ADAM12: variants seen among roughly 807,000 people sequenced by gnomAD.
The protein encoded by ADAM12 is disintegrin and metalloproteinase domain-containing protein 12.
In ADAM12, 70 loss-of-function variants were observed where a neutral mutation model predicts 106.4. That is an observed-to-expected ratio of 0.66 (90% CI 0.54 to 0.80). The LOEUF is 0.80. Ranked by LOEUF, ADAM12 falls within the 30% of genes least tolerant of loss-of-function variation. The pLI is 0.00. For synonymous variants in ADAM12, 420 were observed against 433.5 expected (o/e 0.97, Z 0.39); for missense variants, 1,010 against 1,171.9 (o/e 0.86, Z 2.02).
intron 11 of ADAM12, among the ~76,000 whole-genome samples, chr10:126,090,312 C>CAAA (rs58704417): frequency 2.1e-4 from 26 of 123,310 alleles, no homozygotes; most frequent in Admixed American, 1.1e-3. Flanking sequence ...AAACTTTCTG[C>CAAA]AAAAAAAAAA....
At chr10:126,085,559 C>T (rs900622751) in intron 11 of ADAM12, among the ~76,000 whole-genome samples, 3 of 152,174 alleles carry the variant, frequency 2.0e-5, no homozygotes, top group African/African-American at 7.2e-5. Flanking sequence ...TTATCCATTT[C>T]CACCTACCCA....
chr10:126,329,124 ATACT>A (rs1196733700), intron 2 of ADAM12, among the ~76,000 whole-genome samples: 3 of 140,576 alleles, frequency 2.1e-5, no homozygotes, highest in Non-Finnish European at 3.2e-5. Context: ...TAAGCAACAA[ATACT>A]TAAAAAAAAA....
intron 3 of ADAM12, among the ~76,000 whole-genome samples, chr10:126,187,597 G>C (rs1229777426): frequency 2.0e-5 from 3 of 152,152 alleles, no homozygotes; most frequent in Non-Finnish European, 2.9e-5. Flanking sequence ...GGGCTACATT[G>C]CTCCTGCCCC....
At position 126,017,356 on chromosome 10, in the gene ADAM12, GAA is replaced by G; in HGVS notation, c.2661-19_2661-18del. 1 of 1,543,134 alleles carries G rather than the reference GAA, an allele frequency of 6.5e-7. No individual in the cohort carries two copies. Among genetic ancestry groups the G allele is most frequent in the South Asian group, 1.2e-5 (1 of 82,818 alleles). ...GGAGCAGGTCTGAATGAAGAGAGGA[GAA>G]AAAAAAATGATCAGAGACCTTGAGA... On this transcript the variant is annotated intron_variant, in intron 22 of 22. Transcript: ENST00000448723.
intron 1 of ADAM12, among the ~76,000 whole-genome samples, chr10:126,354,054 A>G (rs1178554269): frequency 2.0e-5 from 3 of 152,022 alleles, no homozygotes; most frequent in African/African-American, 7.2e-5. Flanking sequence ...TTTTTAAAGA[A>G]AAAGATATTT....
At chr10:126,350,084 G>A (rs1029194607) in intron 1 of ADAM12, among the ~76,000 whole-genome samples, 3 of 152,096 alleles carry the variant, frequency 2.0e-5, no homozygotes, top group Non-Finnish European at 1.5e-5. Flanking sequence ...GTCACTGGCC[G>A]GCCAATGATA....
intron 3 of ADAM12, among the ~76,000 whole-genome samples, chr10:126,158,797 C>A (rs1956876994): frequency 7.3e-6 from 1 of 137,876 alleles, no homozygotes. Flanking sequence ...AGTGGGGATG[C>A]ACACAGCACG....
intron 1 of ADAM12, among the ~76,000 whole-genome samples, chr10:126,371,834 T>G (rs537703536): frequency 1.3e-5 from 2 of 152,304 alleles, no homozygotes; most frequent in South Asian, 4.1e-4. Context: ...AAAAAGCCAG[T>G]GGAAGCTGAA....
intron 4 of ADAM12, among the ~76,000 whole-genome samples, chr10:126,154,451 C>A (rs776631571): frequency 1.3e-5 from 2 of 152,154 alleles, no homozygotes; most frequent in Non-Finnish European, 2.9e-5. Flanking sequence ...TGGTGTCATG[C>A]AGAGAAGGGA....
chr10:126,126,476 T>C (rs2133649722), intron 5 of ADAM12, among the ~76,000 whole-genome samples: 1 of 152,220 alleles, frequency 6.6e-6, no homozygotes, highest in East Asian at 1.9e-4. Context: ...GCATTGCAGT[T>C]TGCACGTGAC....
At chr10:126,121,130 A>AGTATATT (rs369707256) in intron 5 of ADAM12, among the ~76,000 whole-genome samples, 1 of 75,608 alleles carries the variant, frequency 1.3e-5, no homozygotes, top group African/African-American at 6.2e-5. Context: ...TAGTATATAT[A>AGTATATT]CTATATACTA....
At chr10:126,199,637 G>C (rs1264069021) in intron 3 of ADAM12, among the ~76,000 whole-genome samples, 1 of 152,006 alleles carries the variant, frequency 6.6e-6, no homozygotes, top group Non-Finnish European at 1.5e-5. Context: ...AACAAAACCA[G>C]GTTTTCATTT....
intron 3 of ADAM12, among the ~76,000 whole-genome samples, chr10:126,235,602 G>A (rs537269895): frequency 3.9e-5 from 6 of 152,218 alleles, no homozygotes; most frequent in African/African-American, 1.4e-4. Flanking sequence ...AGGCAGCAGC[G>A]GCACACCGTC....
intron 2 of ADAM12, among the ~76,000 whole-genome samples, chr10:126,325,000 A>G (rs1854242934): frequency 6.6e-6 from 1 of 152,162 alleles, no homozygotes; most frequent in Admixed American, 6.5e-5. Flanking sequence ...CCTAGGTGCA[A>G]GTAGACCATG....
intron 6 of ADAM12, among the ~76,000 whole-genome samples, chr10:126,114,243 A>G (rs1317091629): frequency 1.3e-5 from 2 of 152,172 alleles, no homozygotes; most frequent in African/African-American, 4.8e-5. Flanking sequence ...TGCCAGGAGA[A>G]CAGGCTGAAT....
rs1390543784 is a variant in ADAM12, at chr10:126,013,437, A to T, written c.*3842T>A. ...ATAGATAAGTTGATTTTCTGTGGCT[A>T]ACTTCCCCTTCTAATTAGAACAAGA... is the stretch of plus-strand genomic sequence containing the variant. On this transcript the variant is annotated 3_prime_UTR_variant, in exon 23 of 23. Coordinates refer to ENST00000448723, the MANE Select transcript of ADAM12 (RefSeq NM_001288973.2). This position sits in a 1 kb window ranked among gnomAD's most constrained non-coding sequence, Gnocchi z 4.3. 6.6e-6 allele frequency: 1 copy of T among 152,214 alleles called. No homozygotes were observed. The highest frequency in any genetic ancestry group is 2.4e-5 in the African/African-American group (1 of 41,444). 9.4% of individuals were successfully genotyped at this position (152,214 alleles called of 1,614,324 possible). A position where few individuals can be genotyped will look rare whatever the true frequency, so the allele number is the denominator to read the frequency against.
At chr10:126,266,278 T>A (rs1959095442) in intron 3 of ADAM12, among the ~76,000 whole-genome samples, 1 of 152,126 alleles carries the variant, frequency 6.6e-6, no homozygotes, top group Non-Finnish European at 1.5e-5. Flanking sequence ...AATGGGGGTA[T>A]CTAAACCTTC....
intron 11 of ADAM12, among the ~76,000 whole-genome samples, chr10:126,084,536 C>A (rs1955298850): frequency 6.6e-6 from 1 of 152,200 alleles, no homozygotes; most frequent in African/African-American, 2.4e-5. Context: ...AGTAGACAGA[C>A]CTGCACAGAA....
intron 3 of ADAM12, among the ~76,000 whole-genome samples, chr10:126,255,015 T>C (rs991151979): frequency 2.6e-5 from 4 of 152,210 alleles, no homozygotes; most frequent in African/African-American, 9.6e-5. Flanking sequence ...CGGTGGCATT[T>C]GGACAGGGGC....
Sources: allele counts gnomAD v4.1 joint callset (sites outside exome capture counted in the v4.1 genomes callset), GRCh38; gene constraint gnomAD v4.1.1; non-coding constraint Gnocchi (gnomAD v3.1); transcripts MANE v1.5; gene names NCBI Gene and HGNC (gene_info 2026-07-23, HGNC 2026-07-21).